EHMT1: variants seen among roughly 807,000 people sequenced by gnomAD.
EHMT1 encodes euchromatic histone lysine methyltransferase 1, also known as histone-lysine N-methyltransferase EHMT1.
A neutral mutation model predicts 147.2 loss-of-function variants in EHMT1; 15 were observed. The ratio of observed to expected loss-of-function variants is 0.10; its 90% CI spans 0.07 to 0.16. The LOEUF is 0.16. EHMT1 is among the 10% of genes least tolerant of loss of function. The pLI is 1.00. For synonymous variants in EHMT1, 795 were observed against 709.6 expected, an observed-to-expected ratio of 1.12 and a Z score of -1.91; for missense variants, 1,587 against 1,772.4, an observed-to-expected ratio of 0.90 and a Z score of 1.88.
rs1451911017 is a variant in EHMT1, at chr9:137,798,879, C to T, written c.2572C>T (p.Leu858=). The change falls in exon 17 of 27, where the codon CTG becomes TTG. Residue 858 remains leucine, a synonymous_variant. Coordinates refer to ENST00000460843, the MANE Select transcript of EHMT1 (RefSeq NM_024757.5). ...AGGCCACTACGAAGTGGTCCAGTACCTGCTTTCAAATGGACAGATGGACGT... is the reference window on the plus strand; with the variant it reads ...AGGCCACTACGAAGTGGTCCAGTACTTGCTTTCAAATGGACAGATGGACGT... ...KKGHYEVVQY[L]LSNGQMDVNC... 1.2e-6 allele frequency: 2 copies of T among 1,614,188 alleles called. No individual in the cohort carries two copies. Among genetic ancestry groups the T allele is most frequent in the Admixed American group, 3.3e-5 (2 of 60,016 alleles).
rs139463826 is a variant in EHMT1 at position 137,782,355 on chromosome 9, G to A, written c.2340G>A (p.Ala780=). The A allele has an allele frequency of 7.9e-5, 128 of 1,612,636 alleles. No homozygotes were observed. The highest frequency in any genetic ancestry group is 6.6e-4 in the Middle Eastern group (4 of 6,056). Residue 780 remains alanine (A), a synonymous_variant, in exon 15 of 27, where the codon GCG becomes GCA. Coordinates refer to ENST00000460843, the MANE Select transcript of EHMT1 (RefSeq NM_024757.5). This position sits in a 1 kb window ranked among gnomAD's most constrained non-coding sequence, Gnocchi z 5.7. ...ATAAGCGCTCTCCACTGCACGCCGCGGCAGAGGCTGGACACGTGGACATCT... is the reference window on the plus strand; with the variant it reads ...ATAAGCGCTCTCCACTGCACGCCGCAGCAGAGGCTGGACACGTGGACATCT... The part of the protein sequence containing the change: ...HQNKRSPLHA[A]AEAGHVDICH...
At chr9:137,834,602 G>A (rs1281548780) in intron 26 of EHMT1, 78 bp downstream of exon 26, 18 of 1,600,986 alleles carry the variant, frequency 1.1e-5, no homozygotes, top group Non-Finnish European at 1.4e-5. Flanking sequence ...TTGCTTTCCT[G>A]GGCTTGTCTC....
chr9:137,768,515 G>A (rs1318543384), intron 10 of EHMT1, among the ~76,000 whole-genome samples: 17 of 131,970 alleles, frequency 1.3e-4, no homozygotes, highest in African/African-American at 4.5e-4. Flanking sequence ...CACCACGCCC[G>A]GCTAATTTTT....
Position 137,718,137 on chromosome 9 carries a change from G to A in EHMT1, c.642+955G>A, listed in dbSNP as rs543910406. 1.1e-4 allele frequency among the ~76,000 whole-genome samples: 17 copies of A among 151,856 alleles called. No homozygotes were observed. The South Asian group carries it at 1.9e-3, about 17-fold the overall frequency. ...GTGATGATTTTCACACACAGGGCGC[G>A]CCTGCCCCTCACACGCACCGTGCTG... On this transcript the variant is annotated intron_variant, in intron 3 of 26. Transcript: ENST00000460843.
chr9:137,688,100 T>C lies in EHMT1; in HGVS notation c.22-22867T>C, dbSNP rs184066057. ...GTGCAGTGGCACAATCTCGGCTCAC[T>C]CCAACCTCTGCCTCCTGGGTTCAAG... is the stretch of plus-strand genomic sequence containing the variant. On this transcript the variant is annotated intron_variant, in intron 1 of 26. Coordinates refer to ENST00000460843, the MANE Select transcript of EHMT1 (RefSeq NM_024757.5). Among the ~76,000 whole-genome samples the C allele has an allele frequency of 9.2e-5, 14 of 152,282 alleles. No homozygotes were observed. The East Asian group carries it at 2.7e-3, about 29-fold the overall frequency.
At chr9:137,696,209 C>T (rs1943383281) in intron 1 of EHMT1, among the ~76,000 whole-genome samples, 1 of 152,200 alleles carries the variant, frequency 6.6e-6, no homozygotes, top group Non-Finnish European at 1.5e-5. Flanking sequence ...TTTCTCTCCA[C>T]CCCTTTCGAT....
intron 1 of EHMT1, among the ~76,000 whole-genome samples, chr9:137,661,706 A>G (rs1939104155): frequency 6.6e-6 from 1 of 151,942 alleles, no homozygotes; most frequent in Non-Finnish European, 1.5e-5. Flanking sequence ...GGCCGGTCTC[A>G]AACTCCTGAC....
At chr9:137,705,737 A>C (rs2135275647) in intron 1 of EHMT1, among the ~76,000 whole-genome samples, 1 of 152,262 alleles carries the variant, frequency 6.6e-6, no homozygotes, top group South Asian at 2.1e-4. Flanking sequence ...CTCCCAGGGT[A>C]GGTTTGGAGT....
chr9:137,636,322 T>G (rs1844070071), intron 1 of EHMT1, among the ~76,000 whole-genome samples: 1 of 152,234 alleles, frequency 6.6e-6, no homozygotes, highest in Non-Finnish European at 1.5e-5. Flanking sequence ...TGTGGATTCC[T>G]TGGGATTTTC....
At chr9:137,799,468 C>T (rs539469497) in intron 17 of EHMT1, among the ~76,000 whole-genome samples, 21 of 152,234 alleles carry the variant, frequency 1.4e-4, no homozygotes, top group African/African-American at 4.3e-4. Flanking sequence ...TGAACCGCGG[C>T]GCCTCACACA....
At chr9:137,721,012 G>GGCGTCCTCGCCA (rs71387860) in intron 3 of EHMT1, among the ~76,000 whole-genome samples, 3 of 151,744 alleles carry the variant, frequency 2.0e-5, no homozygotes, top group South Asian at 2.1e-4. Flanking sequence ...CCTCCTCGCC[G>GGCGTCCTCGCCA]GCGTCCTCGC....
chr9:137,757,067 C>T (rs983292044), intron 8 of EHMT1, among the ~76,000 whole-genome samples: 2 of 152,224 alleles, frequency 1.3e-5, no homozygotes, highest in Non-Finnish European at 2.9e-5. Context: ...TAGATATTAC[C>T]TGGTACAGGT....
intron 1 of EHMT1, among the ~76,000 whole-genome samples, chr9:137,687,268 CCTT>C (rs34108598): frequency 0.099 from 15,002 of 152,162 alleles, 876 homozygotes; most frequent in Non-Finnish European, 0.14. Flanking sequence ...CCAGCTGTAT[CCTT>C]CTTTTTCCAA....
At chr9:137,790,721 C>CA (rs1383903299) in intron 15 of EHMT1, 127 bp from the exon 16 acceptor site, 2 of 1,330,516 alleles carry the variant, frequency 1.5e-6, no homozygotes, top group African/African-American at 1.5e-5. Context: ...TTAGAAAACT[C>CA]AGACATTGTT....
intron 1 of EHMT1, among the ~76,000 whole-genome samples, chr9:137,629,138 G>T (rs1287769193): frequency 6.6e-6 from 1 of 151,104 alleles, no homozygotes; most frequent in Admixed American, 6.6e-5. Flanking sequence ...CGTTGCCCAG[G>T]CTGGAGTGCA....
intron 6 of EHMT1, chr9:137,746,617 CAGGT>C (rs1948562035): frequency 6.6e-6 from 1 of 152,100 alleles, no homozygotes; most frequent in Non-Finnish European, 1.5e-5. Context: ...ATTAAAATAT[CAGGT>C]AGGGCTGCTC....
At chr9:137,723,587 G>A (rs921067282) in intron 3 of EHMT1, among the ~76,000 whole-genome samples, 11 of 151,454 alleles carry the variant, frequency 7.3e-5, no homozygotes, top group African/African-American at 2.4e-4. Flanking sequence ...GCCTGAGCTC[G>A]GGGTGTGTCT....
chr9:137,713,045 A>G (rs543605497), intron 2 of EHMT1, among the ~76,000 whole-genome samples: 1 of 152,208 alleles, frequency 6.6e-6, no homozygotes, highest in Admixed American at 6.5e-5. Flanking sequence ...TTCTTCCCTC[A>G]TTGAATTGTT....
intron 2 of EHMT1, among the ~76,000 whole-genome samples, chr9:137,712,395 C>A (rs1226994007): frequency 6.6e-6 from 1 of 152,190 alleles, no homozygotes; most frequent in Non-Finnish European, 1.5e-5. Flanking sequence ...CGGTGGCTGC[C>A]CCATCTTGCT....
Sources: allele counts gnomAD v4.1 joint callset (sites outside exome capture counted in the v4.1 genomes callset), GRCh38; gene constraint gnomAD v4.1.1; non-coding constraint Gnocchi (gnomAD v3.1); transcripts MANE v1.5; gene names NCBI Gene and HGNC (gene_info 2026-07-23, HGNC 2026-07-21).